Variants in CENPQ observed in about 807,000 individuals in gnomAD.
The protein encoded by CENPQ is chromosome 6 open reading frame 139.
Under a neutral mutation model 36.6 loss-of-function variants are expected in CENPQ, and 27 were observed. That is an observed-to-expected ratio of 0.74 (90% CI 0.54 to 1.02). The LOEUF (loss-of-function observed/expected upper bound fraction) is 1.02. Ranked by LOEUF, CENPQ falls within the 50% of genes least tolerant of loss-of-function variation. The pLI, the probability that CENPQ is intolerant of heterozygous loss-of-function variation, is 0.00. For synonymous variants in CENPQ, 101 were observed against 101.7 expected, an observed-to-expected ratio of 0.99 and a Z score of 0.04; for missense variants, 306 against 301.8, an observed-to-expected ratio of 1.01 and a Z score of -0.10.
chr6:49,470,106 T>G, intron 1 of CENPQ, 53 bp from the exon 2 acceptor site: 4 of 801,660 alleles, frequency 5.0e-6, no homozygotes, highest in Non-Finnish European at 8.0e-6. Context: ...TGTGCAAGGC[T>G]TTAGCTTTTT....
At chr6:49,469,009 T>C (rs1385937790) in intron 1 of CENPQ, among the ~76,000 whole-genome samples, 2 of 152,174 alleles carry the variant, frequency 1.3e-5, no homozygotes, top group African/African-American at 4.8e-5. Flanking sequence ...AATGAGTGTT[T>C]GGTAAGGTAT....
chr6:49,490,345 A>T (rs971040410), intron 8 of CENPQ, among the ~76,000 whole-genome samples: 8 of 152,190 alleles, frequency 5.3e-5, no homozygotes, highest in Admixed American at 3.3e-4. Context: ...GCTAGCTTCA[A>T]ACTTTTCTTC....
At chr6:49,487,934 C>T (rs531820340) in intron 6 of CENPQ, among the ~76,000 whole-genome samples, 2 of 152,204 alleles carry the variant, frequency 1.3e-5, no homozygotes, top group East Asian at 1.9e-4. Flanking sequence ...ATAGCAGGCT[C>T]TTAAATGTTC....
At chr6:49,471,082 C>T in intron 3 of CENPQ, 54 bp downstream of exon 3, 1 of 1,069,956 alleles carries the variant, frequency 9.3e-7, no homozygotes, top group Non-Finnish European at 1.3e-6. Context: ...GCTATATCTA[C>T]ATTCGTGAAA....
intron 6 of CENPQ, among the ~76,000 whole-genome samples, chr6:49,485,790 A>T (rs1290553272): frequency 1.3e-5 from 2 of 152,052 alleles, no homozygotes; most frequent in African/African-American, 4.8e-5. Context: ...AAACATTTTT[A>T]AAAGGAATTG....
intron 8 of CENPQ, among the ~76,000 whole-genome samples, chr6:49,488,886 A>T (rs1376845976): frequency 2.7e-5 from 4 of 149,406 alleles, no homozygotes; most frequent in Admixed American, 6.6e-5. Context: ...TTTTTTTTTT[A>T]AAGGGACATA....
chr6:49,476,019 A>G (rs1768280241), intron 5 of CENPQ, among the ~76,000 whole-genome samples: 1 of 152,152 alleles, frequency 6.6e-6, no homozygotes, highest in Non-Finnish European at 1.5e-5. Context: ...TTATAGATTC[A>G]GTGCCATCCC....
At chr6:49,483,701 C>T (rs1276256471) in intron 6 of CENPQ, among the ~76,000 whole-genome samples, 4 of 152,262 alleles carry the variant, frequency 2.6e-5, no homozygotes, top group Non-Finnish European at 5.9e-5. Flanking sequence ...GGCCAGCCAG[C>T]TGCTCCAAGT....
chr6:49,491,541 T>C (rs1768722194), intron 8 of CENPQ, among the ~76,000 whole-genome samples: 3 of 152,346 alleles, frequency 2.0e-5, no homozygotes, highest in South Asian at 4.1e-4. Context: ...AAACTATTTC[T>C]TCCAAGGGCT....
intron 6 of CENPQ, among the ~76,000 whole-genome samples, chr6:49,486,799 G>C (rs1768592935): frequency 6.6e-6 from 1 of 151,850 alleles, no homozygotes; most frequent in Non-Finnish European, 1.5e-5. Flanking sequence ...GGATATCTAG[G>C]ATTTGAAATA....
At chr6:49,478,726 G>T (rs1348036232) in intron 5 of CENPQ, among the ~76,000 whole-genome samples, 1 of 152,128 alleles carries the variant, frequency 6.6e-6, no homozygotes, top group East Asian at 1.9e-4. Flanking sequence ...GGATATGATT[G>T]ATATAGACTG....
At chr6:49,486,550 T>C (rs932369040) in intron 6 of CENPQ, among the ~76,000 whole-genome samples, 5 of 152,136 alleles carry the variant, frequency 3.3e-5, no homozygotes, top group Admixed American at 6.5e-5. Context: ...GGAAGCCTTC[T>C]ATGGATGAAA....
At chr6:49,488,249 A>G (rs1581856614) in intron 6 of CENPQ, 103 bp from the exon 7 acceptor site, 1 of 838,308 alleles carries the variant, frequency 1.2e-6, no homozygotes. Context: ...TGTTTTAAAT[A>G]TATATGGTGT....
chr6:49,468,916 G>C (rs1005322826), intron 1 of CENPQ, among the ~76,000 whole-genome samples: 3 of 152,170 alleles, frequency 2.0e-5, no homozygotes, highest in Admixed American at 6.5e-5. Flanking sequence ...TCATGTGGAT[G>C]GGTTTTTAAG....
Position 49,488,358 on chromosome 6 carries a change from A to G in CENPQ, c.484A>G (p.Ile162Val), listed in dbSNP as rs551546106. ...EEGLALLQEE[I>V]DKMVETTELM... ...TTTTCTCTTTCTGACTCAGGAAGAA[A>G]TAGATAAAATGGTAGAGACCACAGA... is the stretch of plus-strand genomic sequence containing the variant. The change falls in exon 7 of 9, where the codon ATA becomes GTA. Residue 162 changes from isoleucine (I) to valine (V), a missense_variant. Ile to Val is a conservative substitution (Grantham distance 29, BLOSUM62 3). Transcript: ENST00000335783. 5 of 1,596,974 alleles carry G rather than the reference A, an allele frequency of 3.1e-6. No individual in the cohort carries two copies. The African/African-American group carries it at 5.4e-5, about 17-fold the overall frequency.
rs941246307 is a variant in CENPQ, at chr6:49,483,415, C to T, written c.477+2335C>T. 4.6e-5 allele frequency among the ~76,000 whole-genome samples: 7 copies of T among 152,194 alleles called. No individual in the cohort carries two copies. The South Asian group carries it at 6.2e-4, about 13-fold the overall frequency. On this transcript the variant is annotated intron_variant, in intron 6 of 8. Transcript: ENST00000335783. The stretch of plus-strand genomic sequence containing the variant: ...AGCTGCCTGCCAGTCCTGTGCTGTG[C>T]GCCCGCACTCCTCAGCCCTTGGGTG...
At chr6:49,488,258 GT>G in intron 6 of CENPQ, 93 bp from the exon 7 acceptor site, 4 of 959,562 alleles carry the variant, frequency 4.2e-6, no homozygotes, top group East Asian at 2.9e-5. Flanking sequence ...TATATATGGT[GT>G]TTTTTTAAAA....
chr6:49,480,796 TTTTA>T (rs1768408383), intron 5 of CENPQ, among the ~76,000 whole-genome samples, 151 bp from the exon 6 acceptor site: 1 of 152,160 alleles, frequency 6.6e-6, no homozygotes, highest in Middle Eastern at 3.2e-3. Context: ...TTGTCAGGGC[TTTTA>T]GAGGGGGAGA....
At chr6:49,485,052 A>G (rs1768542305) in intron 6 of CENPQ, among the ~76,000 whole-genome samples, 1 of 152,146 alleles carries the variant, frequency 6.6e-6, no homozygotes, top group Non-Finnish European at 1.5e-5. Flanking sequence ...TACAATCTAT[A>G]ATTTGCTTGT....
Sources: allele counts gnomAD v4.1 joint callset (sites outside exome capture counted in the v4.1 genomes callset), GRCh38; gene constraint gnomAD v4.1.1; transcripts MANE v1.5; gene names NCBI Gene and HGNC (gene_info 2026-07-23, HGNC 2026-07-21).